CTNND2: variants seen among roughly 807,000 people sequenced by gnomAD.
The protein encoded by CTNND2 is catenin delta-2.
CTNND2 carries 22 observed loss-of-function variants against 144.4 expected under a neutral mutation model. That is an observed-to-expected ratio of 0.15 (90% CI 0.11 to 0.22). CTNND2 has a LOEUF of 0.22. CTNND2 is among the 10% of genes least tolerant of loss of function. The pLI is 1.00. For synonymous variants in CTNND2, 751 were observed against 695.6 expected, an observed-to-expected ratio of 1.08 and a Z score of -1.25; for missense variants, 1,353 against 1,618.8, an observed-to-expected ratio of 0.84 and a Z score of 2.82.
chr5:11,879,507 C>A (rs2127069939), intron 1 of CTNND2, among the ~76,000 whole-genome samples: 1 of 151,520 alleles, frequency 6.6e-6, no homozygotes, highest in South Asian at 2.1e-4. Context: ...TCTCAAAAAC[C>A]AGCAAGATGG....
chr5:11,124,145 G>A (rs938131299), intron 12 of CTNND2, among the ~76,000 whole-genome samples: 3 of 152,074 alleles, frequency 2.0e-5, no homozygotes, highest in African/African-American at 7.2e-5. Flanking sequence ...GGCACCCCCA[G>A]TAACAAGATC....
intron 3 of CTNND2, among the ~76,000 whole-genome samples, chr5:11,500,972 A>T (rs566843441): frequency 6.6e-6 from 1 of 152,316 alleles, no homozygotes; most frequent in Admixed American, 6.5e-5. Flanking sequence ...ATACCTCTTA[A>T]TTTGTAATTA....
intron 3 of CTNND2, among the ~76,000 whole-genome samples, chr5:11,551,616 G>A (rs184662075): frequency 4.0e-4 from 60 of 151,310 alleles, no homozygotes; most frequent in African/African-American, 1.3e-3. Context: ...TGTTTGTTTT[G>A]AGATGGAGTT....
chr5:11,021,494 G>C (rs1427754727), intron 17 of CTNND2, among the ~76,000 whole-genome samples: 1 of 152,140 alleles, frequency 6.6e-6, no homozygotes, highest in Non-Finnish European at 1.5e-5. Flanking sequence ...TCCTGCCTAC[G>C]TAGGATAGCA....
chr5:11,556,544 T>G (rs557170153), intron 3 of CTNND2, among the ~76,000 whole-genome samples: 1 of 152,198 alleles, frequency 6.6e-6, no homozygotes, highest in African/African-American at 2.4e-5. Flanking sequence ...TAACTATTAA[T>G]ATATTAACTG....
intron 5 of CTNND2, among the ~76,000 whole-genome samples, chr5:11,407,344 G>A (rs1761177916): frequency 6.6e-6 from 1 of 152,164 alleles, no homozygotes; most frequent in African/African-American, 2.4e-5. Context: ...ACAAAAAAGA[G>A]GCAGGGTGGC....
intron 15 of CTNND2, among the ~76,000 whole-genome samples, chr5:11,092,472 G>A (rs1445779567): frequency 2.0e-5 from 3 of 152,162 alleles, no homozygotes; most frequent in Admixed American, 6.5e-5. Context: ...TTTGCTATCC[G>A]TGCTGCTTCC....
chr5:11,602,788 AAATAT>A (rs1436274303), intron 2 of CTNND2, among the ~76,000 whole-genome samples: 1 of 146,332 alleles, frequency 6.8e-6, no homozygotes, highest in East Asian at 1.9e-4. Flanking sequence ...TAATAGATAT[AAATAT>A]AATATATATT....
chr5:11,701,263 C>T (rs1332698629), intron 2 of CTNND2, among the ~76,000 whole-genome samples: 1 of 152,196 alleles, frequency 6.6e-6, no homozygotes, highest in Non-Finnish European at 1.5e-5. Context: ...AACCCTAGCA[C>T]TACCCCATCA....
At chr5:11,463,502 G>C (rs769760658) in intron 3 of CTNND2, among the ~76,000 whole-genome samples, 15 of 152,030 alleles carry the variant, frequency 9.9e-5, no homozygotes, top group Non-Finnish European at 1.9e-4. Flanking sequence ...CATTAACCAG[G>C]ACCCTTGTTT....
chr5:11,639,203 G>A (rs115752201), intron 2 of CTNND2, among the ~76,000 whole-genome samples: 6,101 of 152,176 alleles, frequency 0.04, 148 homozygotes, highest in Middle Eastern at 0.13. Context: ...ATCCTACAAC[G>A]TGCAGGACAC....
chr5:11,750,093 T>C (rs1473032086), intron 1 of CTNND2, among the ~76,000 whole-genome samples: 1 of 151,946 alleles, frequency 6.6e-6, no homozygotes, highest in Admixed American at 6.6e-5. Context: ...ATGAACCAAC[T>C]GCATAATCTC....
chr5:11,003,780 A>G (rs1045335511), intron 18 of CTNND2, among the ~76,000 whole-genome samples: 3 of 152,236 alleles, frequency 2.0e-5, no homozygotes, highest in Non-Finnish European at 4.4e-5. Flanking sequence ...TTAAGGGCCA[A>G]AAGGGAGTAT....
intron 9 of CTNND2, among the ~76,000 whole-genome samples, chr5:11,312,871 T>C (rs572210415): frequency 1.3e-5 from 2 of 152,338 alleles, no homozygotes; most frequent in Non-Finnish European, 2.9e-5. Context: ...TGTGGCATTT[T>C]ACCCTTCCAG....
chr5:11,759,285 T>C (rs989754867), intron 1 of CTNND2, among the ~76,000 whole-genome samples: 3 of 152,048 alleles, frequency 2.0e-5, no homozygotes, highest in Non-Finnish European at 4.4e-5. Flanking sequence ...AGAGCAAAAA[T>C]TGTTTTATGT....
chr5:11,215,069 A>T (rs1488852069), intron 10 of CTNND2, among the ~76,000 whole-genome samples: 1 of 152,234 alleles, frequency 6.6e-6, no homozygotes, highest in Admixed American at 6.5e-5. Context: ...CCTGGCAGCC[A>T]GCAGACATTC....
chr5:11,324,153 C>T (rs1217191874), intron 9 of CTNND2, among the ~76,000 whole-genome samples: 2 of 152,164 alleles, frequency 1.3e-5, no homozygotes, highest in East Asian at 3.9e-4. Context: ...TCTGGCTTGA[C>T]TCCAAACATG....
At chr5:11,545,657 T>C (rs369360286) in intron 3 of CTNND2, among the ~76,000 whole-genome samples, 1,141 of 72,560 alleles carry the variant, frequency 0.016, 11 homozygotes, top group Middle Eastern at 0.098. Context: ...AGCAAGACTG[T>C]GTCTCAAAAA....
At chr5:11,401,885 G>A (rs1351507783) in intron 5 of CTNND2, among the ~76,000 whole-genome samples, 1 of 152,116 alleles carries the variant, frequency 6.6e-6, no homozygotes, top group South Asian at 2.1e-4. Flanking sequence ...TAATGGATGT[G>A]CAAGTGCTTG....
Sources: allele counts gnomAD v4.1 joint callset (sites outside exome capture counted in the v4.1 genomes callset), GRCh38; gene constraint gnomAD v4.1.1; transcripts MANE v1.5; gene names NCBI Gene and HGNC (gene_info 2026-07-23, HGNC 2026-07-21).